Variants in CDC6 observed in about 807,000 individuals in gnomAD.
CDC6 encodes the protein DNA replication factor CDC6.
In CDC6, 46 loss-of-function variants were observed where a neutral mutation model predicts 60.2. The observed-to-expected ratio is 0.76, with a 90% CI of 0.60 to 0.98. The LOEUF is 0.98. CDC6 is among the 50% of genes least tolerant of loss of function. The pLI, the probability that CDC6 is intolerant of heterozygous loss-of-function variation, is 0.00. For synonymous variants in CDC6, 210 were observed against 233.2 expected, an observed-to-expected ratio of 0.90 and a Z score of 0.90; for missense variants, 596 against 652.9, an observed-to-expected ratio of 0.91 and a Z score of 0.95.
In CDC6 at chr17:40,303,487, C is replaced by T. The variant is rs144278505; in HGVS notation, c.*1486C>T. On this transcript the variant is annotated 3_prime_UTR_variant, in exon 12 of 12. Coordinates refer to ENST00000209728, the MANE Select transcript of CDC6 (RefSeq NM_001254.4). ...TTTCATTCATCCTGACCACTGTATC[C>T]GTGTAATGTGATCTGAGCTACAACA... 2 of 152,268 alleles carry T rather than the reference C, an allele frequency of 1.3e-5. No homozygotes were observed. The highest frequency in any genetic ancestry group is 1.9e-4 in the East Asian group (1 of 5,180). 9.4% of individuals were successfully genotyped at this position (152,268 alleles called of 1,614,324 possible).
In CDC6 at chr17:40,303,846, A is replaced by G. The variant is rs1416289779; in HGVS notation, c.*1845A>G. 1 of 152,220 alleles carries G rather than the reference A, an allele frequency of 6.6e-6. No homozygotes were observed. The highest frequency in any genetic ancestry group is 1.5e-5 in the Non-Finnish European group (1 of 68,044). 9.4% of individuals were successfully genotyped at this position (152,220 alleles called of 1,614,324 possible). On this transcript the variant is annotated 3_prime_UTR_variant, in exon 12 of 12. Coordinates refer to ENST00000209728, the MANE Select transcript of CDC6 (RefSeq NM_001254.4). ...TTATTGGATGCTGCAGCCTTAAGAG[A>G]CGTGACTGCTTTACAGTTTGTTTCC...
At chr17:40,299,891 T>A (rs1452863722) in intron 9 of CDC6, among the ~76,000 whole-genome samples, 1 of 152,178 alleles carries the variant, frequency 6.6e-6, no homozygotes, top group Non-Finnish European at 1.5e-5. Context: ...AGGGCTGACA[T>A]GGCAGCGACT....
chr17:40,290,063 G>C (rs2143070253), intron 2 of CDC6, among the ~76,000 whole-genome samples: 1 of 152,160 alleles, frequency 6.6e-6, no homozygotes, highest in Non-Finnish European at 1.5e-5. Flanking sequence ...CAGAATGGTT[G>C]CTAAGTGCTT....
Position 40,295,289 on chromosome 17 carries a change from T to G in CDC6, c.1084-67T>G. On this transcript the variant is annotated intron_variant, in intron 7 of 11. Transcript: ENST00000209728. ...GGGTTAAATGTGAAAATATTTATGC[T>G]TGGGACCTAAATTACAGAGGGAGAA... 7 of 1,031,456 alleles carry G rather than the reference T, an allele frequency of 6.8e-6. No homozygotes were observed. The South Asian group carries it at 8.8e-5, about 13-fold the overall frequency. The allele number at this position is 1,031,456 out of a possible 1,614,324, so 63.9% of individuals were successfully genotyped here.
Position 40,302,057 on chromosome 17 carries a change from T to A in CDC6, c.*56T>A. 9.7e-7 allele frequency: 1 copy of A among 1,026,642 alleles called. No individual in the cohort carries two copies. The highest frequency in any genetic ancestry group is 1.6e-6 in the Non-Finnish European group (1 of 643,362). 63.6% of individuals were successfully genotyped at this position (1,026,642 alleles called of 1,614,324 possible). A position where few individuals can be genotyped will look rare whatever the true frequency, so the allele number is the denominator to read the frequency against. The stretch of plus-strand genomic sequence containing the variant: ...TCAGCTGGCATTTAGAGAGCTACAG[T>A]CTTCATTTTAGTGCTTTACACATTC... On this transcript the variant is annotated 3_prime_UTR_variant, in exon 12 of 12. Transcript: ENST00000209728.
At position 40,301,901 on chromosome 17, in the gene CDC6, C is replaced by T. The variant is rs746739892; in HGVS notation, c.1594-11C>T. 3 of 1,535,746 alleles carry T rather than the reference C, an allele frequency of 2.0e-6. No individual in the cohort carries two copies. The South Asian group carries it at 3.4e-5, about 17-fold the overall frequency. ...TCCCCAGTGTGAAAAATCCTTTTCT[C>T]TTCTTTCCAGGTGTTTTTCAAGATT... On this transcript the variant is annotated splice_polypyrimidine_tract_variant and intron_variant, in intron 11 of 11. Coordinates refer to ENST00000209728, the MANE Select transcript of CDC6 (RefSeq NM_001254.4).
chr17:40,301,663 G>GT, intron 11 of CDC6, 55 bp downstream of exon 11: 1 of 1,567,640 alleles, frequency 6.4e-7, no homozygotes, highest in South Asian at 1.1e-5. Flanking sequence ...GTAGAGTGAT[G>GT]CTAAAGTAAA....
At chr17:40,289,701 T>TTA in intron 2 of CDC6, 103 bp downstream of exon 2, 12 of 610,074 alleles carry the variant, frequency 2.0e-5, no homozygotes, top group East Asian at 3.4e-5. Flanking sequence ...CAGTTAAGAC[T>TTA]TCTTTTTTTT....
chr17:40,303,194 TATAAC>T lies in CDC6; in HGVS notation c.*1196_*1200del, dbSNP rs1164970186. 4 of 152,248 alleles carry T rather than the reference TATAAC, an allele frequency of 2.6e-5. No homozygotes were observed. Among genetic ancestry groups the T allele is most frequent in the Non-Finnish European group, 5.9e-5 (4 of 68,050 alleles). 9.4% of individuals were successfully genotyped at this position (152,248 alleles called of 1,614,324 possible). On this transcript the variant is annotated 3_prime_UTR_variant, in exon 12 of 12. Coordinates refer to ENST00000209728, the MANE Select transcript of CDC6 (RefSeq NM_001254.4). ...TGACTGAGACACCAGAGGGCACCCTTATAACATTGACTACTTTGAAAGGGGATGCT... is the reference window on the plus strand; with the variant it reads ...TGACTGAGACACCAGAGGGCACCCTTATTGACTACTTTGAAAGGGGATGCT...
chr17:40,288,730 G>T (rs569228296), intron 1 of CDC6, among the ~76,000 whole-genome samples: 1 of 152,216 alleles, frequency 6.6e-6, no homozygotes, highest in African/African-American at 2.4e-5. Flanking sequence ...GACTACAGGC[G>T]CCCACCACCA....
In CDC6 at chr17:40,291,125, G is replaced by A. The variant is rs748118305; in HGVS notation, c.246G>A (p.Glu82=). ...PCSPPKQGKK[E]NGPPHSHTLK... is the part of the protein sequence containing the mutation. ...CTCCACCAAAGCAAGGCAAGAAAGAGAATGGTCCCCCTCACTCACATACAC... is the reference window on the plus strand; with the variant it reads ...CTCCACCAAAGCAAGGCAAGAAAGAAAATGGTCCCCCTCACTCACATACAC... Residue 82 remains glutamate, a synonymous_variant, in exon 3 of 12, where the codon GAG becomes GAA. Transcript: ENST00000209728. 135 of 1,614,004 alleles carry A rather than the reference G, an allele frequency of 8.4e-5. No homozygotes were observed. The highest frequency in any genetic ancestry group is 1.1e-4 in the Non-Finnish European group (132 of 1,180,006).
rs1379645640 is a variant in CDC6, at chr17:40,291,512, C to T, written c.504C>T (p.Val168=). Residue 168 remains valine, a synonymous_variant, in exon 4 of 12, where the codon GTC becomes GTT. Coordinates refer to ENST00000209728, the MANE Select transcript of CDC6 (RefSeq NM_001254.4). ...QQAKLVLNTA[V]PDRLPARERE... is the part of the protein sequence containing the mutation. ...CAAAGCTGGTCCTGAACACAGCTGT[C>T]CCAGATCGGCTGCCTGCCAGGGAAA... 3 of 1,614,080 alleles carry T rather than the reference C, an allele frequency of 1.9e-6. No individual in the cohort carries two copies. The highest frequency in any genetic ancestry group is 1.7e-5 in the Admixed American group (1 of 60,002).
rs372249642 is a variant in CDC6, at chr17:40,294,036, A to C, written c.923A>C (p.Asn308Thr). Reference sequence around the variant, plus strand: ...CTATTTGAATGGCCATGGCTAAGCAATTCTCACTTGGTGCTGATTGGTTAG... The same window carrying C: ...CTATTTGAATGGCCATGGCTAAGCACTTCTCACTTGGTGCTGATTGGTTAG... ...YTLFEWPWLS[N>T]SHLVLIGIAN... The change falls in exon 6 of 12, where the codon AAT becomes ACT. Residue 308 changes from asparagine (N) to threonine (T), a missense_variant. Transcript: ENST00000209728. 9 of 1,612,974 alleles carry C rather than the reference A, an allele frequency of 5.6e-6. No individual in the cohort carries two copies. The highest frequency in any genetic ancestry group is 7.6e-6 in the Non-Finnish European group (9 of 1,179,014).
chr17:40,293,082 T>C (rs1567734348), intron 4 of CDC6, among the ~76,000 whole-genome samples: 1 of 151,000 alleles, frequency 6.6e-6, no homozygotes, highest in Admixed American at 6.6e-5. Flanking sequence ...CTACTAAAAA[T>C]ATAAAAATTA....
intron 6 of CDC6, 65 bp from the exon 7 acceptor site, chr17:40,294,299 A>G (rs2032824023): frequency 7.5e-7 from 1 of 1,328,182 alleles, no homozygotes; most frequent in African/African-American, 1.4e-5. Context: ...TTTAGCTTTC[A>G]GAAGATTTAG....
intron 4 of CDC6, among the ~76,000 whole-genome samples, chr17:40,292,263 A>T (rs1462093499): frequency 6.6e-6 from 1 of 151,690 alleles, no homozygotes; most frequent in East Asian, 2.0e-4. Flanking sequence ...TCCTGAGCTC[A>T]AGTAATCTGC....
intron 8 of CDC6, 66 bp from the exon 9 acceptor site, chr17:40,296,637 G>T: frequency 1.1e-6 from 1 of 894,304 alleles, no homozygotes; most frequent in South Asian, 1.3e-5. Context: ...TGCCGCTTTT[G>T]AGGCTGGTGG....
In CDC6 at chr17:40,304,266, T is replaced by C. The variant is rs1279439979; in HGVS notation, c.*2265T>C. ...ATGCATGAAGCAGACTTAGTGTCCC[T>C]GCTTGGCTTCTGCTGCCCTTGTGGG... is the stretch of plus-strand genomic sequence containing the variant. On this transcript the variant is annotated 3_prime_UTR_variant, in exon 12 of 12. Transcript: ENST00000209728. 6.6e-6 allele frequency: 1 copy of C among 152,258 alleles called. No homozygotes were observed. The highest frequency in any genetic ancestry group is 2.4e-5 in the African/African-American group (1 of 41,460). The allele number at this position is 152,258 out of a possible 1,614,324, so 9.4% of individuals were successfully genotyped here.
chr17:40,296,690 A>AT lies in CDC6; in HGVS notation c.1185-5dup, dbSNP rs1413947203. ...GGCTCAGACTAAATTAATTTTAGAA[A>AT]TTTTTTTTATAGGAGAGCTATTGAA... On this transcript the variant is annotated splice_polypyrimidine_tract_variant and intron_variant, in intron 8 of 11. Transcript: ENST00000209728. 3.1e-5 allele frequency: 48 copies of AT among 1,550,524 alleles called. No homozygotes were observed. Among genetic ancestry groups the AT allele is most frequent in the African/African-American group, 1.1e-4 (8 of 73,572 alleles).
Sources: allele counts gnomAD v4.1 joint callset (sites outside exome capture counted in the v4.1 genomes callset), GRCh38; gene constraint gnomAD v4.1.1; transcripts MANE v1.5; gene names NCBI Gene and HGNC (gene_info 2026-07-23, HGNC 2026-07-21).